The following SOX5 variants were observed in gnomAD, a reference collection of about 807,000 sequenced individuals.
SOX5 encodes the protein SRY-box transcription factor 5, also known as transcription factor SOX-5.
Under a neutral mutation model 92.0 loss-of-function variants are expected in SOX5, and 9 were observed. The observed-to-expected ratio is 0.10, with a 90% CI of 0.06 to 0.17. The LOEUF (loss-of-function observed/expected upper bound fraction) is 0.17, where lower values mean the gene tolerates loss of function less well. SOX5 is among the 10% of genes least tolerant of loss of function. The pLI is 1.00. For missense variants in SOX5, 642 were observed against 944.5 expected, an observed-to-expected ratio of 0.68 and a Z score of 4.20; for synonymous variants, 344 against 336.3, an observed-to-expected ratio of 1.02 and a Z score of -0.25.
At chr12:23,734,551 G>A in intron 6 of SOX5, 133 bp downstream of exon 6, 1 of 648,678 alleles carries the variant, frequency 1.5e-6, no homozygotes, top group South Asian at 2.1e-5. Flanking sequence ...TTCCATGGCA[G>A]AGGAGGTGCT....
At chr12:24,249,893 T>C (rs988480349) in intron 3 of SOX5, among the ~76,000 whole-genome samples, 2 of 152,214 alleles carry the variant, frequency 1.3e-5, no homozygotes, top group East Asian at 1.9e-4. Flanking sequence ...TGCTTTTTTT[T>C]CCTTTCCTAT....
intron 1 of SOX5, among the ~76,000 whole-genome samples, chr12:24,495,408 A>G (rs1947527301): frequency 6.6e-6 from 1 of 152,228 alleles, no homozygotes; most frequent in East Asian, 1.9e-4. Flanking sequence ...AATTAGAACT[A>G]CAAAGAGCCC....
At chr12:24,300,149 C>T (rs866027462) in intron 2 of SOX5, among the ~76,000 whole-genome samples, 9 of 152,136 alleles carry the variant, frequency 5.9e-5, no homozygotes, top group Non-Finnish European at 7.4e-5. Context: ...CACAATGCTA[C>T]GTCTTTAATA....
intron 3 of SOX5, among the ~76,000 whole-genome samples, chr12:23,836,551 C>T (rs1329698951): frequency 6.6e-6 from 1 of 151,978 alleles, no homozygotes; most frequent in South Asian, 2.1e-4. Context: ...TTCTTTGTAA[C>T]CATTTCACCT....
chr12:24,194,708 A>T (rs922652624), intron 4 of SOX5, among the ~76,000 whole-genome samples: 2 of 152,096 alleles, frequency 1.3e-5, no homozygotes, highest in African/African-American at 4.8e-5. Flanking sequence ...ACAAAAATAG[A>T]GCTGGCATTC....
intron 8 of SOX5, among the ~76,000 whole-genome samples, chr12:23,622,525 G>T (rs2077303458): frequency 9.8e-6 from 1 of 102,100 alleles, no homozygotes; most frequent in African/African-American, 4.2e-5. Flanking sequence ...AATAAAAAGG[G>T]TGATTTTTTT....
At chr12:24,079,585 C>T (rs917265756) in intron 4 of SOX5, among the ~76,000 whole-genome samples, 12 of 151,996 alleles carry the variant, frequency 7.9e-5, no homozygotes, top group South Asian at 4.2e-4. Context: ...AATCCTGCAA[C>T]GACACTGAAA....
chr12:23,702,764 G>T (rs1164784906), intron 6 of SOX5, among the ~76,000 whole-genome samples: 1 of 151,968 alleles, frequency 6.6e-6, no homozygotes, highest in African/African-American at 2.4e-5. Flanking sequence ...GTGTGTGTGT[G>T]TGTGTGTGCA....
At chr12:24,482,886 A>G (rs1455809338) in intron 1 of SOX5, among the ~76,000 whole-genome samples, 1 of 152,248 alleles carries the variant, frequency 6.6e-6, no homozygotes, top group Non-Finnish European at 1.5e-5. Context: ...TTATGTCAAT[A>G]GTCTCTAAAT....
intron 4 of SOX5, among the ~76,000 whole-genome samples, chr12:24,106,835 AT>A (rs1946750237): frequency 4.1e-5 from 6 of 147,526 alleles, no homozygotes; most frequent in Non-Finnish European, 7.4e-5. Context: ...AATAATAATA[AT>A]AATAAATAGA....
chr12:24,496,245 G>A (rs1042917614), intron 1 of SOX5, among the ~76,000 whole-genome samples: 1 of 152,076 alleles, frequency 6.6e-6, no homozygotes, highest in Admixed American at 6.5e-5. Flanking sequence ...ACATCAAGAG[G>A]TTACTTAGAG....
chr12:23,918,650 G>T (rs1381652675), intron 1 of SOX5, among the ~76,000 whole-genome samples: 20 of 152,158 alleles, frequency 1.3e-4, no homozygotes, highest in Admixed American at 1.3e-3. Flanking sequence ...AATGGGCCGG[G>T]CGTGGTGGCT....
chr12:23,772,202 G>C (rs756003677), intron 3 of SOX5, among the ~76,000 whole-genome samples: 11 of 152,250 alleles, frequency 7.2e-5, no homozygotes, highest in Non-Finnish European at 1.5e-4. Flanking sequence ...ATATCAGGTA[G>C]CTGTGAAGAC....
intron 1 of SOX5, among the ~76,000 whole-genome samples, chr12:24,415,855 T>C (rs1964929104): frequency 6.6e-6 from 1 of 152,084 alleles, no homozygotes; most frequent in African/African-American, 2.4e-5. Context: ...TACATCAAAG[T>C]TGGAAAAGTC....
rs995559460 is a variant in SOX5 at position 23,868,456 on chromosome 12, T to C, written c.271-22263A>G. Among the ~76,000 whole-genome samples the C allele has an allele frequency of 7.2e-5, 11 of 152,140 alleles. No homozygotes were observed. In the East Asian group the frequency reaches 2.1e-3, roughly 29 times the overall value. Reference sequence around the variant, plus strand: ...AAAGTAGCAATATAGGTACTCATTGTCATTTCTCATACTCTTCAGAAAACC... The same window carrying C: ...AAAGTAGCAATATAGGTACTCATTGCCATTTCTCATACTCTTCAGAAAACC... On this transcript the variant is annotated intron_variant, in intron 2 of 14. Transcript: ENST00000451604.
chr12:24,513,221 C>T (rs4275708), intron 1 of SOX5, among the ~76,000 whole-genome samples: 100,130 of 152,076 alleles, frequency 0.66, 34,181 homozygotes, highest in East Asian at 0.98. Flanking sequence ...AAGGCTAAGC[C>T]GTGGTGTTCA....
Position 24,048,735 on chromosome 12 carries a change from G to A in SOX5, c.-1-152711C>T, listed in dbSNP as rs557108861. 2.0e-4 allele frequency among the ~76,000 whole-genome samples: 30 copies of A among 152,238 alleles called. No homozygotes were observed. In the South Asian group the frequency reaches 2.3e-3, roughly 12 times the overall value. On this transcript the variant is annotated intron_variant, in intron 4 of 4. Transcript: ENST00000446891. ...GACGAACGAAGCTTGAAAACATTAC[G>A]CTAAGTGAAAGAAATCAGTCACAAA...
intron 10 of SOX5, among the ~76,000 whole-genome samples, chr12:23,572,959 T>A (rs1431032225): frequency 6.6e-6 from 1 of 152,150 alleles, no homozygotes; most frequent in African/African-American, 2.4e-5. Context: ...TTTGTGGAGA[T>A]TAAAGCATTT....
chr12:24,534,235 G>A (rs1167997932), intron 1 of SOX5, among the ~76,000 whole-genome samples: 5 of 151,696 alleles, frequency 3.3e-5, no homozygotes, highest in Non-Finnish European at 7.4e-5. Flanking sequence ...TGCAGTTGAG[G>A]GTTTCATGTT....
Sources: gnomAD v4.1 joint callset for allele counts (sites outside exome capture counted in the v4.1 genomes callset) on GRCh38, gnomAD v4.1.1 for gene constraint, MANE v1.5 for transcripts, NCBI Gene and HGNC (gene_info 2026-07-23, HGNC 2026-07-21) for gene names.